The following FBN1 variants were observed in gnomAD, a reference collection of about 807,000 sequenced individuals.
FBN1 encodes the protein fibrillin 1, also known as fibrillin-1.
Under a neutral mutation model 365.1 loss-of-function variants are expected in FBN1, and 29 were observed. The observed-to-expected ratio is 0.08, with a 90% CI of 0.06 to 0.11. FBN1 has a LOEUF of 0.11. Ranked by LOEUF, FBN1 falls within the 10% of genes least tolerant of loss-of-function variation. The pLI is 1.00. For synonymous variants in FBN1, 1,210 were observed against 1,270.5 expected (o/e 0.95, Z 1.01); for missense variants, 2,476 against 3,703.2 (o/e 0.67, Z 8.60).
chr15:48,412,554 T>A lies in FBN1; in HGVS notation c.8226+15A>T. 6.2e-7 allele frequency: 1 copy of A among 1,613,868 alleles called. No individual in the cohort carries two copies. Among genetic ancestry groups the A allele is most frequent in the Non-Finnish European group, 8.5e-7 (1 of 1,179,736 alleles). ...CACCACAGGAGACATCAGGAGAAACTAACTTCTGACCCACCTCGATATTGG... is the reference window on the plus strand; with the variant it reads ...CACCACAGGAGACATCAGGAGAAACAAACTTCTGACCCACCTCGATATTGG... On this transcript the variant is annotated intron_variant, in intron 65 of 65. Transcript: ENST00000316623.
chr15:48,598,055 CTTCCT>C (rs2044529517), intron 5 of FBN1, among the ~76,000 whole-genome samples: 1 of 152,196 alleles, frequency 6.6e-6, no homozygotes, highest in Non-Finnish European at 1.5e-5. Context: ...TAGGACTTGT[CTTCCT>C]GCTCCTGTTT....
intron 6 of FBN1, among the ~76,000 whole-genome samples, chr15:48,566,752 T>C (rs1229558746): frequency 6.6e-6 from 1 of 152,230 alleles, no homozygotes; most frequent in African/African-American, 2.4e-5. Flanking sequence ...GAGGAACAGC[T>C]GGAGACCCAG....
At position 48,463,978 on chromosome 15, in the gene FBN1, T is replaced by A; in HGVS notation, c.4986A>T (p.Thr1662=). ...CETPGICGPG[T]CYNTVGNYTC... is the part of the protein sequence containing the mutation. Reference sequence around the variant, plus strand: ...TGTAGTTGCCAACGGTGTTGTAACATGTCCCTGGACCACAGATTCCAGGAG... The same window carrying A: ...TGTAGTTGCCAACGGTGTTGTAACAAGTCCCTGGACCACAGATTCCAGGAG... The change falls in exon 41 of 66, where the codon ACA becomes ACT. Residue 1662 remains threonine, a synonymous_variant. Transcript: ENST00000316623. 6.2e-7 allele frequency: 1 copy of A among 1,613,782 alleles called. No individual in the cohort carries two copies. Among genetic ancestry groups the A allele is most frequent in the Middle Eastern group, 1.6e-4 (1 of 6,062 alleles).
At chr15:48,579,530 T>C (rs1336392281) in intron 6 of FBN1, among the ~76,000 whole-genome samples, 1 of 152,210 alleles carries the variant, frequency 6.6e-6, no homozygotes, top group East Asian at 1.9e-4. Context: ...CCCCAGAAGC[T>C]ACCTTTCTGA....
chr15:48,465,499 C>T, intron 40 of FBN1, 69 bp downstream of exon 40: 1 of 1,569,198 alleles, frequency 6.4e-7, no homozygotes, highest in Non-Finnish European at 8.8e-7. Flanking sequence ...TTCCTAGTAA[C>T]CATATTCTGG....
chr15:48,573,979 A>T (rs1416546499), intron 6 of FBN1, among the ~76,000 whole-genome samples: 1 of 152,244 alleles, frequency 6.6e-6, no homozygotes, highest in Non-Finnish European at 1.5e-5. Context: ...GCTGAGGGTT[A>T]GGCCTCTTTA....
intron 6 of FBN1, among the ~76,000 whole-genome samples, chr15:48,588,722 A>G (rs1397380958): frequency 2.0e-5 from 3 of 152,220 alleles, no homozygotes; most frequent in Admixed American, 6.5e-5. Context: ...ATGCATATCA[A>G]GAGTATTCAA....
At chr15:48,482,787 A>G (rs566615022) in intron 31 of FBN1, among the ~76,000 whole-genome samples, 14 of 152,248 alleles carry the variant, frequency 9.2e-5, no homozygotes, top group Non-Finnish European at 1.9e-4. Context: ...ACTACCCAAG[A>G]AAATGAGAGG....
chr15:48,420,549 G>T, intron 63 of FBN1, 138 bp downstream of exon 63: 1 of 1,086,594 alleles, frequency 9.2e-7, no homozygotes, highest in East Asian at 2.4e-5. Context: ...ACTTACCTCG[G>T]GTTTCAACCA....
At chr15:48,639,742 T>C (rs950610461) in intron 2 of FBN1, among the ~76,000 whole-genome samples, 1 of 152,222 alleles carries the variant, frequency 6.6e-6, no homozygotes, top group African/African-American at 2.4e-5. Context: ...TGATATATTA[T>C]TGATGTCGGT....
intron 19 of FBN1, 60 bp downstream of exon 19, chr15:48,497,206 C>T: frequency 6.2e-7 from 1 of 1,609,600 alleles, no homozygotes; most frequent in Non-Finnish European, 8.5e-7. Context: ...TTTCTCCCAG[C>T]AATGAAAGAA....
intron 18 of FBN1, among the ~76,000 whole-genome samples, chr15:48,497,712 T>C (rs995714517): frequency 1.8e-4 from 27 of 152,062 alleles, no homozygotes; most frequent in African/African-American, 6.5e-4. Flanking sequence ...CGACAGCAGA[T>C]CCCAAGTCCC....
rs138761704 is a variant in FBN1 at position 48,471,358 on chromosome 15, C to T, written c.4337-602G>A. 4.2e-3 allele frequency among the ~76,000 whole-genome samples: 642 copies of T among 152,216 alleles called. 4 individuals carry two copies. Among genetic ancestry groups the T allele is most frequent in the Middle Eastern group, 6.8e-3 (2 of 294 alleles). On this transcript the variant is annotated intron_variant, in intron 35 of 65. Coordinates refer to ENST00000316623, the MANE Select transcript of FBN1 (RefSeq NM_000138.5). ...TAGCTTTAAATAGCCATGACCACTC[C>T]ACCAGCCATGATTTATATTAAGAAC...
chr15:48,510,232 C>T (rs774738917), intron 13 of FBN1, 63 bp from the exon 14 acceptor site: 26 of 1,536,634 alleles, frequency 1.7e-5, no homozygotes, highest in Non-Finnish European at 2.3e-5. Flanking sequence ...TATTTTATTT[C>T]CCCCTCCCTC....
Position 48,537,773 on chromosome 15 carries a change from T to G in FBN1, c.574A>C (p.Asn192His). The G allele has an allele frequency of 6.2e-7, 1 of 1,614,212 alleles. No individual in the cohort carries two copies. Among genetic ancestry groups the G allele is most frequent in the Non-Finnish European group, 8.5e-7 (1 of 1,180,032 alleles). Residue 192 changes from asparagine (N) to histidine (H), a missense_variant, in exon 7 of 66, where the codon AAC becomes CAC. By Grantham distance (68) the Asn-to-His change is moderately conservative. Around this residue, in one of 5 missense-constraint regions of FBN1, gnomAD observed 421 missense variants for 520.1 expected, o/e 0.81. Transcript: ENST00000316623. Reference sequence around the variant, plus strand: ...CTGAGTTGTCCCTGGCACATCTGGTTGCTGATCACAGTAAAACATGGGCCT... The same window carrying G: ...CTGAGTTGTCCCTGGCACATCTGGTGGCTGATCACAGTAAAACATGGGCCT... ...RTGPCFTVIS[N>H]QMCQGQLSGI...
At chr15:48,450,540 C>T (rs2043193141) in intron 45 of FBN1, among the ~76,000 whole-genome samples, 1 of 152,082 alleles carries the variant, frequency 6.6e-6, no homozygotes, top group African/African-American at 2.4e-5. Flanking sequence ...GAAAGAAACC[C>T]AAATAGTCAA....
chr15:48,573,173 T>C (rs1282190806), intron 6 of FBN1, among the ~76,000 whole-genome samples: 1 of 152,224 alleles, frequency 6.6e-6, no homozygotes, highest in Admixed American at 6.5e-5. Context: ...CTTTGAGATC[T>C]ATCTTTTGGG....
chr15:48,410,778 G>C lies in FBN1; in HGVS notation c.*212C>G. On this transcript the variant is annotated 3_prime_UTR_variant, in exon 66 of 66. Coordinates refer to ENST00000316623, the MANE Select transcript of FBN1 (RefSeq NM_000138.5). ...TCAACACATATGACAAGGTAGCTTA[G>C]CTACACACATGAGAAGCCTGAGAAA... 1 of 567,998 alleles carries C rather than the reference G, an allele frequency of 1.8e-6. No homozygotes were observed. The highest frequency in any genetic ancestry group is 1.9e-5 in the African/African-American group (1 of 53,280). The allele number at this position is 567,998 out of a possible 1,614,324, so 35.2% of individuals were successfully genotyped here.
At chr15:48,449,917 C>T (rs1397233387) in intron 45 of FBN1, among the ~76,000 whole-genome samples, 1 of 152,186 alleles carries the variant, frequency 6.6e-6, no homozygotes, top group African/African-American at 2.4e-5. Context: ...GAATCATGGA[C>T]ATCTCCTCCA....
Sources: allele counts gnomAD v4.1 joint callset (sites outside exome capture counted in the v4.1 genomes callset), GRCh38; gene constraint gnomAD v4.1.1; regional missense constraint gnomAD v4.1.1; transcripts MANE v1.5; gene names NCBI Gene and HGNC (gene_info 2026-07-23, HGNC 2026-07-21).